Variants in GATB observed in about 807,000 individuals in gnomAD.
GATB encodes glutamyl-tRNA(Gln) amidotransferase subunit B, mitochondrial.
A neutral mutation model predicts 62.3 loss-of-function variants in GATB; 39 were observed. The observed-to-expected ratio is 0.63, with a 90% CI of 0.48 to 0.82. The LOEUF is 0.82. Among genes scored for constraint, GATB ranks in the 40% least tolerant of loss-of-function variants. The pLI, the probability that GATB is intolerant of heterozygous loss-of-function variation, is 0.00. For synonymous variants in GATB, 276 were observed against 258.9 expected, an observed-to-expected ratio of 1.07 and a Z score of -0.63; for missense variants, 670 against 684.0, an observed-to-expected ratio of 0.98 and a Z score of 0.23.
chr4:151,714,652 C>T (rs767318682), intron 5 of GATB, among the ~76,000 whole-genome samples: 7 of 152,266 alleles, frequency 4.6e-5, no homozygotes, highest in Non-Finnish European at 8.8e-5. Flanking sequence ...TAACAGGTGA[C>T]CTATTTATGA....
At chr4:151,716,608 C>T (rs903869774) in intron 4 of GATB, among the ~76,000 whole-genome samples, 1 of 152,170 alleles carries the variant, frequency 6.6e-6, no homozygotes, top group African/African-American at 2.4e-5. Flanking sequence ...TTAATGACTG[C>T]TTAAAATATC....
chr4:151,743,413 T>A (rs1011710403), intron 2 of GATB, among the ~76,000 whole-genome samples: 1 of 152,266 alleles, frequency 6.6e-6, no homozygotes, highest in Non-Finnish European at 1.5e-5. Context: ...GCATCAGTGC[T>A]GTGTAGTCAG....
chr4:151,745,153 C>T (rs914426263), intron 2 of GATB, among the ~76,000 whole-genome samples: 1 of 152,174 alleles, frequency 6.6e-6, no homozygotes, highest in African/African-American at 2.4e-5. Context: ...AAAATGGTCA[C>T]ATTTTGTCTT....
intron 2 of GATB, among the ~76,000 whole-genome samples, chr4:151,752,343 C>T (rs906594673): frequency 1.3e-5 from 2 of 152,110 alleles, no homozygotes; most frequent in Non-Finnish European, 1.5e-5. Flanking sequence ...AGATATATGT[C>T]CTTCAATTCT....
chr4:151,706,176 C>T (rs775852363), intron 6 of GATB, among the ~76,000 whole-genome samples: 3 of 152,208 alleles, frequency 2.0e-5, no homozygotes, highest in East Asian at 3.8e-4. Context: ...AATGGCCTGA[C>T]ATAGGGAGAA....
At chr4:151,690,922 T>A (rs955037668) in intron 9 of GATB, among the ~76,000 whole-genome samples, 2 of 152,156 alleles carry the variant, frequency 1.3e-5, no homozygotes, top group African/African-American at 4.8e-5. Flanking sequence ...ACCCAGGAAA[T>A]GATGGATCAA....
At chr4:151,697,886 C>T (rs1738502966) in intron 9 of GATB, among the ~76,000 whole-genome samples, 2 of 139,590 alleles carry the variant, frequency 1.4e-5, no homozygotes, top group South Asian at 4.6e-4. Flanking sequence ...GGCCACAAAG[C>T]GAGACTCCGT....
At chr4:151,686,032 G>A (rs796543303) in intron 10 of GATB, among the ~76,000 whole-genome samples, 27 of 151,380 alleles carry the variant, frequency 1.8e-4, no homozygotes, top group African/African-American at 6.6e-4. Flanking sequence ...TAGCCTGGGT[G>A]ACAGGGCGAG....
chr4:151,749,983 A>G (rs1045163741), intron 2 of GATB, among the ~76,000 whole-genome samples: 10 of 151,752 alleles, frequency 6.6e-5, no homozygotes, highest in Non-Finnish European at 1.5e-4. Flanking sequence ...CCGGGTTCAC[A>G]CCATTCTCCT....
intron 5 of GATB, among the ~76,000 whole-genome samples, chr4:151,712,549 A>T (rs748070412): frequency 4.6e-5 from 7 of 152,208 alleles, no homozygotes; most frequent in Non-Finnish European, 8.8e-5. Flanking sequence ...AAGATGGAAA[A>T]CTGTTTCTGC....
intron 4 of GATB, 143 bp downstream of exon 4, chr4:151,716,733 A>G (rs571430320): frequency 2.9e-6 from 2 of 701,578 alleles, no homozygotes; most frequent in African/African-American, 1.8e-5. Flanking sequence ...GCCAATCCCA[A>G]TGCTGATATT....
Position 151,728,583 on chromosome 4 carries a change from C to T in GATB, c.328-9045G>A, listed in dbSNP as rs117987717. Among the ~76,000 whole-genome samples, 10 of 152,182 alleles carry T rather than the reference C, an allele frequency of 6.6e-5. No homozygotes were observed. In the East Asian group the frequency reaches 7.7e-4, roughly 12 times the overall value. ...ACACAAACTCATTCATCTAGATTTG[C>T]CCCATACTGAAACTGTCAAGTCTTT... On this transcript the variant is annotated intron_variant, in intron 2 of 12. Transcript: ENST00000263985.
intron 9 of GATB, among the ~76,000 whole-genome samples, chr4:151,698,341 CTA>C (rs1248992259): frequency 1.3e-5 from 2 of 152,066 alleles, no homozygotes; most frequent in African/African-American, 4.8e-5. Context: ...AAATTAAAGA[CTA>C]GAGTTAAATT....
intron 7 of GATB, 97 bp downstream of exon 7, chr4:151,705,088 G>C (rs977399525): frequency 1.3e-6 from 1 of 764,862 alleles, no homozygotes; most frequent in Admixed American, 2.1e-5. Context: ...GAGACGCTAC[G>C]TGCCTCCTTC....
chr4:151,743,085 A>C (rs1445747102), intron 2 of GATB, among the ~76,000 whole-genome samples: 3 of 152,260 alleles, frequency 2.0e-5, no homozygotes, highest in African/African-American at 7.2e-5. Flanking sequence ...TGAATATTAT[A>C]AAGAAAATTA....
At chr4:151,738,841 T>C (rs1223899562) in intron 2 of GATB, among the ~76,000 whole-genome samples, 1 of 152,242 alleles carries the variant, frequency 6.6e-6, no homozygotes, top group Non-Finnish European at 1.5e-5. Context: ...GCAGCGAGTG[T>C]AATCTGGTGC....
chr4:151,733,639 T>C (rs556624345), intron 2 of GATB, among the ~76,000 whole-genome samples: 3 of 152,074 alleles, frequency 2.0e-5, no homozygotes, highest in African/African-American at 4.8e-5. Context: ...AATACCAAAA[T>C]CAGGAAAGGA....
At chr4:151,701,051 G>A (rs1478047067) in intron 9 of GATB, among the ~76,000 whole-genome samples, 3 of 152,180 alleles carry the variant, frequency 2.0e-5, no homozygotes, top group Admixed American at 6.5e-5. Context: ...TCTTCAAGAA[G>A]TCTCCACAGC....
chr4:151,699,416 A>G (rs1738555437), intron 9 of GATB, among the ~76,000 whole-genome samples: 2 of 151,462 alleles, frequency 1.3e-5, no homozygotes, highest in Non-Finnish European at 2.9e-5. Context: ...GTGCTGAATT[A>G]AATAACTGAA....
Sources: allele counts gnomAD v4.1 joint callset (sites outside exome capture counted in the v4.1 genomes callset), GRCh38; gene constraint gnomAD v4.1.1; transcripts MANE v1.5; gene names NCBI Gene and HGNC (gene_info 2026-07-23, HGNC 2026-07-21).